Variants in KTN1 observed in about 807,000 individuals in gnomAD.
The protein encoded by KTN1 is kinectin 1.
A neutral mutation model predicts 222.5 loss-of-function variants in KTN1; 130 were observed. That is an observed-to-expected ratio of 0.58 (90% confidence interval 0.51 to 0.68). The LOEUF (loss-of-function observed/expected upper bound fraction) is 0.68, where lower values mean the gene tolerates loss of function less well. KTN1 is among the 30% of genes least tolerant of loss of function. The probability of loss-of-function intolerance (pLI) is 0.00; values close to 1 mark genes in which losing one functional copy is unlikely to be tolerated. For missense variants in KTN1, 1,508 were observed against 1,500.4 expected (o/e 1.01, Z -0.08); for synonymous variants, 512 against 496.3 (o/e 1.03, Z -0.42).
At chr14:55,631,440 G>T (rs1367361668) in intron 7 of KTN1, among the ~76,000 whole-genome samples, 1 of 148,712 alleles carries the variant, frequency 6.7e-6, no homozygotes, top group Non-Finnish European at 1.5e-5. Flanking sequence ...CTTTATGCTT[G>T]AATCCTGTGA....
At chr14:55,661,358 G>T in intron 31 of KTN1, 164 bp from the exon 32 acceptor site, 1 of 470,054 alleles carries the variant, frequency 2.1e-6, no homozygotes. Context: ...AAATTCATAG[G>T]ATGGGCTTTG....
chr14:55,662,065 T>C (rs1387665097), intron 32 of KTN1, among the ~76,000 whole-genome samples: 1 of 142,222 alleles, frequency 7.0e-6, no homozygotes, highest in Non-Finnish European at 1.5e-5. Context: ...AACCTCCTCC[T>C]GCCCTTTTTT....
intron 18 of KTN1, among the ~76,000 whole-genome samples, chr14:55,643,989 G>A (rs866055393): frequency 5.3e-5 from 8 of 152,080 alleles, no homozygotes; most frequent in Admixed American, 2.6e-4. Context: ...ATTTGATAAG[G>A]GGGAAACTCA....
intron 5 of KTN1, among the ~76,000 whole-genome samples, chr14:55,624,210 T>C (rs2039510462): frequency 6.6e-6 from 1 of 152,220 alleles, no homozygotes; most frequent in Non-Finnish European, 1.5e-5. Context: ...TTCTCCTTTT[T>C]CCTGCCAGAA....
rs2041651203 is a variant in KTN1, at chr14:55,640,379, A to G, written c.1920A>G (p.Ile640Met). Residue 640 changes from isoleucine to methionine, a missense_variant, in exon 15 of 44, where the codon ATA (isoleucine) becomes ATG (methionine). Physicochemically the swap from Ile to Met is conservative, Grantham distance 10. Coordinates refer to ENST00000395314, the MANE Select transcript of KTN1 (RefSeq NM_001079521.2). ...GCTATTTTTCCTTGTTCTAGGATATACAGAATATGAATTTCTTATTAAAAG... is the reference window on the plus strand; with the variant it reads ...GCTATTTTTCCTTGTTCTAGGATATGCAGAATATGAATTTCTTATTAAAAG... ...LTSKEEELKD[I>M]QNMNFLLKAE... is the part of the protein sequence containing the mutation. 2 of 1,592,338 alleles carry G rather than the reference A, an allele frequency of 1.3e-6. No homozygotes were observed. Among genetic ancestry groups the G allele is most frequent in the East Asian group, 4.5e-5 (2 of 44,616 alleles).
chr14:55,681,830 T>A (rs1413441775), intron 43 of KTN1: 15 of 152,160 alleles, frequency 9.9e-5, no homozygotes, highest in Admixed American at 8.5e-4. Context: ...GTACTTATGT[T>A]TTGGTTCCCG....
intron 1 of KTN1, among the ~76,000 whole-genome samples, chr14:55,605,765 C>T (rs1272976461): frequency 6.6e-6 from 1 of 152,106 alleles, no homozygotes; most frequent in Non-Finnish European, 1.5e-5. Flanking sequence ...ATATAACACG[C>T]ATACTGTATT....
At chr14:55,670,086 A>G (rs1323456171) in intron 34 of KTN1, among the ~76,000 whole-genome samples, 1 of 152,064 alleles carries the variant, frequency 6.6e-6, no homozygotes. Context: ...ATACATGCAT[A>G]TTTACATCAG....
intron 18 of KTN1, among the ~76,000 whole-genome samples, chr14:55,646,395 T>G (rs560950183): frequency 9.9e-5 from 15 of 151,254 alleles, no homozygotes; most frequent in South Asian, 4.2e-4. Flanking sequence ...TTGTCTGTCT[T>G]TCTTTCTTTC....
intron 40 of KTN1, chr14:55,675,605 CAGT>C: frequency 2.8e-6 from 1 of 361,762 alleles, no homozygotes; most frequent in Non-Finnish European, 5.0e-6. Flanking sequence ...TTTGCATTTG[CAGT>C]TTTCTACTCT....
intron 4 of KTN1, among the ~76,000 whole-genome samples, chr14:55,618,975 C>T (rs974300535): frequency 1.7e-4 from 26 of 152,060 alleles, no homozygotes; most frequent in African/African-American, 6.3e-4. Flanking sequence ...AAACTTTTAG[C>T]TAATGTAATT....
intron 1 of KTN1, among the ~76,000 whole-genome samples, chr14:55,587,378 A>G (rs1290485378): frequency 6.6e-6 from 1 of 152,186 alleles, no homozygotes; most frequent in Admixed American, 6.5e-5. Flanking sequence ...GTCCCAGTTA[A>G]TCTTGTTCAT....
chr14:55,647,633 CAAAAAAAAAAAAAAAA>C (rs35742930), intron 19 of KTN1, among the ~76,000 whole-genome samples: 1 of 32,976 alleles, frequency 3.0e-5, no homozygotes, highest in Non-Finnish European at 5.1e-5. Flanking sequence ...AACTCTGCCT[CAAAAAAAAAAAAAAAA>C]AAAAAAAAAA....
chr14:55,593,958 A>C (rs550305115), intron 1 of KTN1, among the ~76,000 whole-genome samples: 1 of 152,006 alleles, frequency 6.6e-6, no homozygotes, highest in Non-Finnish European at 1.5e-5. Context: ...TGAACTATCC[A>C]GCCATCTTCC....
At chr14:55,654,879 C>T (rs970636377) in intron 28 of KTN1, among the ~76,000 whole-genome samples, 16 of 152,192 alleles carry the variant, frequency 1.1e-4, no homozygotes, top group Non-Finnish European at 2.4e-4. Flanking sequence ...ATCCCGGCAG[C>T]ACCCCCCGGC....
intron 32 of KTN1, chr14:55,663,060 T>TA (rs1247625229): frequency 4.6e-6 from 2 of 439,472 alleles, no homozygotes; most frequent in Non-Finnish European, 9.3e-6. Flanking sequence ...TTTCCTAACT[T>TA]ACTTGAGCTG....
chr14:55,647,774 C>A (rs2042532896), intron 19 of KTN1, among the ~76,000 whole-genome samples: 1 of 149,380 alleles, frequency 6.7e-6, no homozygotes, highest in African/African-American at 2.5e-5. Flanking sequence ...GAAACCCCAT[C>A]TCTACTAAAA....
At chr14:55,651,301 A>AAAGTCTTCT (rs1445507165) in intron 24 of KTN1, 1 of 455,892 alleles carries the variant, frequency 2.2e-6, no homozygotes, top group African/African-American at 2.0e-5. Context: ...AGAGTTCAGG[A>AAAGTCTTCT]AAGTCTTCTC....
chr14:55,646,149 A>G (rs961119308), intron 18 of KTN1, among the ~76,000 whole-genome samples: 14 of 152,140 alleles, frequency 9.2e-5, no homozygotes, highest in Non-Finnish European at 1.8e-4. Flanking sequence ...ATGCCAGGAG[A>G]AGTTTCAAAG....
Sources: gnomAD v4.1 joint callset for allele counts (sites outside exome capture counted in the v4.1 genomes callset) on GRCh38, gnomAD v4.1.1 for gene constraint, MANE v1.5 for transcripts, NCBI Gene and HGNC (gene_info 2026-07-23, HGNC 2026-07-21) for gene names.